The following FAM169A variants were observed in gnomAD, a reference collection of about 807,000 sequenced individuals.
The protein encoded by FAM169A is soluble lamin-associated protein of 75 kDa.
Under a neutral mutation model 75.7 loss-of-function variants are expected in FAM169A, and 24 were observed. The ratio of observed to expected loss-of-function variants is 0.32; its 90% CI spans 0.23 to 0.45. FAM169A has a LOEUF of 0.45. Ranked by LOEUF, FAM169A falls within the 20% of genes least tolerant of loss-of-function variation. The probability of loss-of-function intolerance (pLI) is 1.00; values close to 1 mark genes in which losing one functional copy is unlikely to be tolerated. For synonymous variants in FAM169A, 271 were observed against 271.0 expected (o/e 1.00, Z 0.00); for missense variants, 673 against 784.0 (o/e 0.86, Z 1.69).
chr5:74,837,843 C>T (rs1318619631), intron 4 of FAM169A, among the ~76,000 whole-genome samples: 3 of 152,056 alleles, frequency 2.0e-5, no homozygotes, highest in South Asian at 2.1e-4. Flanking sequence ...GTTGGCTGGG[C>T]GTGGTGGCTT....
intron 6 of FAM169A, 117 bp downstream of exon 6, chr5:74,813,723 G>C: frequency 1.6e-6 from 1 of 636,090 alleles, no homozygotes; most frequent in Non-Finnish European, 2.4e-6. Context: ...AAGTTCTAGA[G>C]AGCCTAAGGT....
intron 5 of FAM169A, among the ~76,000 whole-genome samples, chr5:74,821,632 G>C (rs1336496381): frequency 6.6e-6 from 1 of 152,132 alleles, no homozygotes; most frequent in Non-Finnish European, 1.5e-5. Context: ...GGCAATGCTA[G>C]CTGCCGTAAC....
chr5:74,865,110 T>C (rs1222457950), intron 1 of FAM169A, among the ~76,000 whole-genome samples: 1 of 152,192 alleles, frequency 6.6e-6, no homozygotes, highest in African/African-American at 2.4e-5. Context: ...CTGTCTGTGA[T>C]GCAATGACAA....
chr5:74,842,926 T>C (rs1205641508), intron 1 of FAM169A, among the ~76,000 whole-genome samples: 1 of 152,066 alleles, frequency 6.6e-6, no homozygotes, highest in East Asian at 1.9e-4. Flanking sequence ...GCAAATAATA[T>C]ACTTAACTGA....
At chr5:74,842,147 C>A (rs1159443768) in intron 1 of FAM169A, among the ~76,000 whole-genome samples, 1 of 149,890 alleles carries the variant, frequency 6.7e-6, no homozygotes, top group Non-Finnish European at 1.5e-5. Flanking sequence ...TCACTGCGGG[C>A]ACAGTGGCTC....
intron 11 of FAM169A, among the ~76,000 whole-genome samples, chr5:74,783,491 A>G (rs1745516251): frequency 6.6e-6 from 1 of 152,174 alleles, no homozygotes; most frequent in African/African-American, 2.4e-5. Context: ...TTTCAGGAAA[A>G]AGGCACCAGA....
chr5:74,799,016 T>C, intron 10 of FAM169A: 1 of 1,196,846 alleles, frequency 8.4e-7, no homozygotes, highest in East Asian at 2.4e-5. Flanking sequence ...CAGTTTTTAC[T>C]AGAGCCAATC....
intron 11 of FAM169A, among the ~76,000 whole-genome samples, chr5:74,795,566 T>C (rs1253019017): frequency 6.6e-6 from 1 of 152,208 alleles, no homozygotes; most frequent in Non-Finnish European, 1.5e-5. Context: ...TAGTTATTTT[T>C]CCAGAACTTT....
intron 5 of FAM169A, among the ~76,000 whole-genome samples, chr5:74,815,291 G>A (rs1747413353): frequency 2.0e-5 from 3 of 151,788 alleles, no homozygotes; most frequent in Admixed American, 2.0e-4. Context: ...CTGAGTTCAA[G>A]CAATTCTCCT....
At chr5:74,862,937 T>C (rs1049694948) in intron 1 of FAM169A, among the ~76,000 whole-genome samples, 15 of 151,658 alleles carry the variant, frequency 9.9e-5, no homozygotes, top group Admixed American at 2.6e-4. Flanking sequence ...AGACACTCAA[T>C]GTTTGTGGAA....
In FAM169A at chr5:74,822,036, C is replaced by T. The variant is rs540364155; in HGVS notation, c.491-8017G>A. On this transcript the variant is annotated intron_variant, in intron 5 of 12. Transcript: ENST00000687041. ...GTTGTATTTCTTACATGGTGACTAGCTTCTAAGAGTGCCAAAGTGGAACCT... is the reference window on the plus strand; with the variant it reads ...GTTGTATTTCTTACATGGTGACTAGTTTCTAAGAGTGCCAAAGTGGAACCT... 2.6e-5 allele frequency among the ~76,000 whole-genome samples: 4 copies of T among 152,320 alleles called. No individual in the cohort carries two copies. In the South Asian group the frequency reaches 8.3e-4, roughly 32 times the overall value.
In FAM169A at chr5:74,801,098, A is replaced by C. The variant is rs577351349; in HGVS notation, c.953-68T>G. The C allele has an allele frequency of 3.2e-6, 4 of 1,242,328 alleles. No homozygotes were observed. In the East Asian group the frequency reaches 8.5e-5, roughly 26 times the overall value. 77.0% of individuals were successfully genotyped at this position (1,242,328 alleles called of 1,614,324 possible). ...TTAAAAGGACTACCTATTAAAATACACAGAAATGCAAGAACTACACTAGTT... is the reference window on the plus strand; with the variant it reads ...TTAAAAGGACTACCTATTAAAATACCCAGAAATGCAAGAACTACACTAGTT... On this transcript the variant is annotated intron_variant, in intron 9 of 12. Transcript: ENST00000687041.
intron 1 of FAM169A, 188 bp downstream of exon 1, chr5:74,865,977 A>T (rs1311367248): frequency 1.3e-5 from 2 of 159,526 alleles, no homozygotes; most frequent in African/African-American, 4.8e-5. Flanking sequence ...CGCCAGCTGG[A>T]CGCGAGCCCC....
intron 1 of FAM169A, among the ~76,000 whole-genome samples, chr5:74,845,198 T>G (rs72764684): frequency 0.15 from 22,250 of 152,156 alleles, 1,880 homozygotes; most frequent in African/African-American, 0.23. Flanking sequence ...TACCCTAATC[T>G]GAAAGTTAAG....
intron 5 of FAM169A, among the ~76,000 whole-genome samples, chr5:74,818,639 G>C (rs1454984505): frequency 9.5e-6 from 1 of 104,934 alleles, no homozygotes; most frequent in African/African-American, 3.8e-5. Flanking sequence ...CCTAGAAAAA[G>C]CAAACTCATC....
intron 3 of FAM169A, 115 bp downstream of exon 3, chr5:74,839,959 A>T (rs915763334): frequency 9.1e-6 from 5 of 552,044 alleles, no homozygotes; most frequent in Non-Finnish European, 1.6e-5. Context: ...ATAAAATTAC[A>T]ATTTGAAACA....
In FAM169A at chr5:74,781,748, C is replaced by A. The variant is rs1372139977; in HGVS notation, c.1725G>T (p.Gly575=). ...TSSLEDQGEE[G]VSEPQETSTA... ...TAGATGTTTCCTGGGGCTCAGATAC[C>A]CCCTCCTCACCCTGGTCTTCCAATG... The change falls in exon 13 of 13, where the codon GGG becomes GGT. Residue 575 remains glycine (G), a synonymous_variant. Coordinates refer to ENST00000687041, the MANE Select transcript of FAM169A (RefSeq NM_001376049.1). 6.2e-7 allele frequency: 1 copy of A among 1,614,020 alleles called. No homozygotes were observed. The highest frequency in any genetic ancestry group is 1.1e-5 in the South Asian group (1 of 91,070).
At chr5:74,865,684 G>C (rs1256620773) in intron 1 of FAM169A, 1 of 152,376 alleles carries the variant, frequency 6.6e-6, no homozygotes, top group Non-Finnish European at 1.5e-5. Flanking sequence ...AAGGAAGGCG[G>C]TCAGAGCATC....
At chr5:74,824,836 C>T (rs1005060986) in intron 5 of FAM169A, among the ~76,000 whole-genome samples, 1 of 151,842 alleles carries the variant, frequency 6.6e-6, no homozygotes, top group Admixed American at 6.6e-5. Context: ...CTTACTATAC[C>T]TCTTGATTTC....
Sources: allele counts gnomAD v4.1 joint callset (sites outside exome capture counted in the v4.1 genomes callset), GRCh38; gene constraint gnomAD v4.1.1; transcripts MANE v1.5; gene names NCBI Gene and HGNC (gene_info 2026-07-23, HGNC 2026-07-21).